ROR1: variants seen among roughly 807,000 people sequenced by gnomAD.
The protein encoded by ROR1 is inactive tyrosine-protein kinase transmembrane receptor ROR1.
A neutral mutation model predicts 78.8 loss-of-function variants in ROR1; 19 were observed. That is an observed-to-expected ratio of 0.24 (90% CI 0.17 to 0.35). ROR1 has a LOEUF of 0.35. Ranked by LOEUF, ROR1 falls within the 10% of genes least tolerant of loss-of-function variation. The pLI, the probability that ROR1 is intolerant of heterozygous loss-of-function variation, is 1.00. For synonymous variants in ROR1, 386 were observed against 433.6 expected (o/e 0.89, Z 1.36); for missense variants, 917 against 1,177.8 (o/e 0.78, Z 3.24).
At chr1:64,061,759 T>C (rs1397677435) in intron 4 of ROR1, among the ~76,000 whole-genome samples, 3 of 152,196 alleles carry the variant, frequency 2.0e-5, no homozygotes, top group Non-Finnish European at 4.4e-5. Flanking sequence ...CCAAGTTTCT[T>C]TATTTGCAAA....
intron 4 of ROR1, among the ~76,000 whole-genome samples, chr1:64,062,524 G>A (rs144158582): frequency 0.042 from 6,420 of 152,158 alleles, 178 homozygotes; most frequent in Middle Eastern, 0.078. Flanking sequence ...TGTTAGCCAG[G>A]ATGGTCTCGA....
At chr1:63,998,425 C>G (rs184835322) in intron 1 of ROR1, among the ~76,000 whole-genome samples, 190 of 151,732 alleles carry the variant, frequency 1.3e-3, no homozygotes, top group African/African-American at 4.5e-3. Context: ...TGTTTGAGGT[C>G]CCAACATGAA....
intron 1 of ROR1, among the ~76,000 whole-genome samples, chr1:63,832,027 G>A (rs771084750): frequency 6.6e-6 from 1 of 152,182 alleles, no homozygotes; most frequent in Non-Finnish European, 1.5e-5. Flanking sequence ...AATGCCACCG[G>A]TCTCTTTGCT....
chr1:64,152,968 T>C (rs2762836), intron 7 of ROR1, among the ~76,000 whole-genome samples: 73,760 of 152,024 alleles, frequency 0.49, 19,618 homozygotes, highest in Non-Finnish European at 0.6. Flanking sequence ...ATAAGTCACT[T>C]GAGTCATTTG....
At chr1:64,079,389 T>G (rs1647080204) in intron 4 of ROR1, among the ~76,000 whole-genome samples, 1 of 152,172 alleles carries the variant, frequency 6.6e-6, no homozygotes. Flanking sequence ...ACTTAATATA[T>G]GGAGCATTGA....
At chr1:63,850,838 T>A (rs1051313566) in intron 1 of ROR1, among the ~76,000 whole-genome samples, 1 of 152,178 alleles carries the variant, frequency 6.6e-6, no homozygotes, top group Admixed American at 6.5e-5. Flanking sequence ...ATAGAACCTA[T>A]GTTGGGGGTG....
At chr1:63,969,498 C>T (rs1646101823) in intron 1 of ROR1, among the ~76,000 whole-genome samples, 1 of 152,108 alleles carries the variant, frequency 6.6e-6, no homozygotes, top group Non-Finnish European at 1.5e-5. Flanking sequence ...GATAGTTCCC[C>T]TTGGCAGTCT....
At chr1:63,833,481 G>A (rs1197351466) in intron 1 of ROR1, among the ~76,000 whole-genome samples, 1 of 152,152 alleles carries the variant, frequency 6.6e-6, no homozygotes. Flanking sequence ...GCTTTGTTTT[G>A]TGGGTCTTCA....
chr1:63,863,648 G>A (rs546962744), intron 1 of ROR1, among the ~76,000 whole-genome samples: 6 of 152,008 alleles, frequency 3.9e-5, no homozygotes, highest in South Asian at 2.1e-4. Context: ...ATCTGATGGC[G>A]TATTTTTCTT....
chr1:63,988,071 A>G (rs897038320), intron 1 of ROR1, among the ~76,000 whole-genome samples: 4 of 152,140 alleles, frequency 2.6e-5, no homozygotes, highest in African/African-American at 9.7e-5. Context: ...TATCTTTTCT[A>G]TAACAATGGA....
intron 4 of ROR1, among the ~76,000 whole-genome samples, chr1:64,073,891 T>A (rs1201812607): frequency 4.6e-5 from 7 of 152,194 alleles, no homozygotes; most frequent in Admixed American, 3.9e-4. Flanking sequence ...TAAGCTCCCC[T>A]TTGTAGCTCT....
chr1:64,079,849 T>TTA (rs1258095553), intron 4 of ROR1, among the ~76,000 whole-genome samples: 7 of 150,894 alleles, frequency 4.6e-5, no homozygotes, highest in African/African-American at 1.5e-4. Flanking sequence ...TTTTTTTTTT[T>TTA]ATTCCAGGAG....
chr1:63,858,168 G>A (rs1183144230), intron 1 of ROR1, among the ~76,000 whole-genome samples: 1 of 152,154 alleles, frequency 6.6e-6, no homozygotes, highest in Non-Finnish European at 1.5e-5. Context: ...TTTCCTTGAA[G>A]GTTTAATGTG....
At chr1:63,955,859 A>G (rs966356826) in intron 1 of ROR1, among the ~76,000 whole-genome samples, 2 of 152,238 alleles carry the variant, frequency 1.3e-5, no homozygotes, top group Admixed American at 1.3e-4. Flanking sequence ...TCTCTCGGCT[A>G]GAAGGCCTCT....
rs878915278 is a variant in ROR1, at chr1:64,178,300, A to G, written c.2259A>G (p.Ser753=). 6.2e-7 allele frequency: 1 copy of G among 1,614,018 alleles called. No individual in the cohort carries two copies. The highest frequency in any genetic ancestry group is 1.7e-5 in the Admixed American group (1 of 60,002). ...HVRLRSWEGL[S]SHTSSTTPSG... ...GGCTTCGGTCCTGGGAGGGACTCTC[A>G]AGTCACACAAGCTCTACTACTCCTT... Residue 753 remains serine, a synonymous_variant, in exon 9 of 9, where the codon TCA becomes TCG. Coordinates refer to ENST00000371079, the MANE Select transcript of ROR1 (RefSeq NM_005012.4). This position sits in a 1 kb window ranked among gnomAD's most constrained non-coding sequence, Gnocchi z 4.3.
chr1:64,162,390 C>T (rs528552930), intron 8 of ROR1, among the ~76,000 whole-genome samples: 23 of 152,270 alleles, frequency 1.5e-4, no homozygotes, highest in South Asian at 2.1e-4. Context: ...GACTGGCTGA[C>T]GAGGCCCGGC....
In ROR1 at chr1:64,180,826, A is replaced by G. The variant is rs1210251454; in HGVS notation, c.*1971A>G. ...TCCCTTAAAGGGAAATTAGCATTCC[A>G]TGAGCCAGTAAAATACCTACTCTGG... On this transcript the variant is annotated 3_prime_UTR_variant, in exon 9 of 9. Transcript: ENST00000371079. The G allele has an allele frequency of 2.0e-5, 3 of 152,156 alleles. No individual in the cohort carries two copies. Among genetic ancestry groups the G allele is most frequent in the Non-Finnish European group, 4.4e-5 (3 of 67,976 alleles). 9.4% of individuals were successfully genotyped at this position (152,156 alleles called of 1,614,324 possible). A position where few individuals can be genotyped will look rare whatever the true frequency, so the allele number is the denominator to read the frequency against.
At position 64,179,024 on chromosome 1, in the gene ROR1, GAAA is replaced by G. The variant is rs10709706; in HGVS notation, c.*189_*191del. 7.6e-3 allele frequency: 1,188 copies of G among 156,832 alleles called. No individual in the cohort carries two copies. Among genetic ancestry groups the G allele is most frequent in the South Asian group, 0.015 (184 of 12,324 alleles). The allele number at this position is 156,832 out of a possible 1,614,324, so 9.7% of individuals were successfully genotyped here. On this transcript the variant is annotated 3_prime_UTR_variant, in exon 9 of 9. Transcript: ENST00000371079. ...ACCAAGCAGGACAGACACTCGGCCAGAAAAAAAAAAAAAAAAAAAAAACAAGCA... is the reference window on the plus strand; with the variant it reads ...ACCAAGCAGGACAGACACTCGGCCAGAAAAAAAAAAAAAAAAAAACAAGCA...
At chr1:63,842,572 C>G (rs1392478082) in intron 1 of ROR1, among the ~76,000 whole-genome samples, 1 of 152,196 alleles carries the variant, frequency 6.6e-6, no homozygotes, top group Non-Finnish European at 1.5e-5. Flanking sequence ...AAAAGTTAGT[C>G]TGGAACCAAG....
Sources: allele counts gnomAD v4.1 joint callset (sites outside exome capture counted in the v4.1 genomes callset), GRCh38; gene constraint gnomAD v4.1.1; non-coding constraint Gnocchi (gnomAD v3.1); transcripts MANE v1.5; gene names NCBI Gene and HGNC (gene_info 2026-07-23, HGNC 2026-07-21).